The following RPS6KC1 variants were observed in gnomAD, a reference collection of about 807,000 sequenced individuals.
RPS6KC1 encodes the protein ribosomal protein S6 kinase C1.
RPS6KC1 carries 54 observed loss-of-function variants against 103.8 expected under a neutral mutation model. That is an observed-to-expected ratio of 0.52 (90% CI 0.42 to 0.65). The LOEUF is 0.65. Ranked by LOEUF, RPS6KC1 falls within the 30% of genes least tolerant of loss-of-function variation. The pLI is 0.00. For synonymous variants in RPS6KC1, 439 were observed against 438.7 expected, an observed-to-expected ratio of 1.00 and a Z score of -0.01; for missense variants, 1,151 against 1,253.8, an observed-to-expected ratio of 0.92 and a Z score of 1.24.
chr1:213,505,084 C>G, the RPS6KC1 span, among the ~76,000 whole-genome samples: 1 of 152,156 alleles, frequency 6.6e-6, no homozygotes, highest in African/African-American at 2.4e-5. Flanking sequence ...GCCTGTGGGG[C>G]TTCGTTTCCC....
intron 10 of RPS6KC1, among the ~76,000 whole-genome samples, chr1:213,239,749 C>T (rs1176729871): frequency 6.6e-6 from 1 of 152,126 alleles, no homozygotes; most frequent in African/African-American, 2.4e-5. Flanking sequence ...GCAAAGTATA[C>T]TTCTGTAGTT....
At chr1:213,680,000 A>AT in the RPS6KC1 span, among the ~76,000 whole-genome samples, 3 of 152,096 alleles carry the variant, frequency 2.0e-5, no homozygotes, top group Non-Finnish European at 4.4e-5. Context: ...ATTTGCTTTA[A>AT]TTTTTTTTAA....
chr1:213,568,758 C>A, the RPS6KC1 span, among the ~76,000 whole-genome samples: 2 of 152,164 alleles, frequency 1.3e-5, no homozygotes, highest in Non-Finnish European at 2.9e-5. Context: ...GCATTCAAAC[C>A]CAGATGGGCC....
the RPS6KC1 span, among the ~76,000 whole-genome samples, chr1:213,695,387 A>T: frequency 6.6e-6 from 1 of 152,188 alleles, no homozygotes; most frequent in Non-Finnish European, 1.5e-5. Flanking sequence ...CCTGTGAAGA[A>T]GTCACTGGAG....
At chr1:213,211,579 T>C (rs527615116) in intron 8 of RPS6KC1, among the ~76,000 whole-genome samples, 1 of 152,360 alleles carries the variant, frequency 6.6e-6, no homozygotes, top group African/African-American at 2.4e-5. Context: ...TATAAAGTAA[T>C]AGATGTATTG....
the RPS6KC1 span, among the ~76,000 whole-genome samples, chr1:213,829,077 T>C: frequency 6.6e-6 from 1 of 152,158 alleles, no homozygotes; most frequent in African/African-American, 2.4e-5. Flanking sequence ...CACCTTATCA[T>C]GCTATTAGGA....
chr1:213,079,581 C>G (rs2148547099), intron 3 of RPS6KC1, among the ~76,000 whole-genome samples: 1 of 152,036 alleles, frequency 6.6e-6, no homozygotes, highest in African/African-American at 2.4e-5. Flanking sequence ...CCATGCCTGG[C>G]TAATTTTTCT....
intron 1 of RPS6KC1, among the ~76,000 whole-genome samples, chr1:213,066,122 A>G (rs552276969): frequency 1.3e-5 from 2 of 152,218 alleles, no homozygotes; most frequent in African/African-American, 4.8e-5. Flanking sequence ...AATTTTCCCT[A>G]TGCCTAGCGC....
the RPS6KC1 span, among the ~76,000 whole-genome samples, chr1:213,439,928 C>G: frequency 6.6e-6 from 1 of 151,750 alleles, no homozygotes; most frequent in Non-Finnish European, 1.5e-5. Context: ...TGCCATTAAG[C>G]TATTGGTTAA....
the RPS6KC1 span, among the ~76,000 whole-genome samples, chr1:213,727,778 G>C: frequency 6.6e-6 from 1 of 152,176 alleles, no homozygotes; most frequent in South Asian, 2.1e-4. Context: ...GCAAAAACTA[G>C]CATGAAGTTG....
the RPS6KC1 span, among the ~76,000 whole-genome samples, chr1:213,571,263 A>G: frequency 2.8e-4 from 43 of 152,200 alleles, 1 homozygote; most frequent in Admixed American, 2.8e-3. Flanking sequence ...GCATCTTCTC[A>G]GCATGGAGAT....
intron 6 of RPS6KC1, among the ~76,000 whole-genome samples, chr1:213,151,829 G>A (rs2089029608): frequency 7.6e-6 from 1 of 131,104 alleles, no homozygotes; most frequent in Non-Finnish European, 1.7e-5. Flanking sequence ...CGGGCGAGGG[G>A]CTGACCCCCC....
intron 1 of RPS6KC1, among the ~76,000 whole-genome samples, chr1:213,063,184 G>C (rs1017372526): frequency 2.6e-5 from 4 of 152,188 alleles, no homozygotes; most frequent in African/African-American, 7.2e-5. Flanking sequence ...TTCCAAAGTG[G>C]TTCTTCAATT....
At chr1:213,403,090 T>G in the RPS6KC1 span, among the ~76,000 whole-genome samples, 1 of 151,866 alleles carries the variant, frequency 6.6e-6, no homozygotes, top group Non-Finnish European at 1.5e-5. Flanking sequence ...ATTGCACCAC[T>G]GCACTCCAGC....
the RPS6KC1 span, among the ~76,000 whole-genome samples, chr1:213,557,400 G>C: frequency 6.6e-6 from 1 of 152,182 alleles, no homozygotes; most frequent in Non-Finnish European, 1.5e-5. Flanking sequence ...TTGGGAGCTT[G>C]GGTGTGTGGA....
the RPS6KC1 span, among the ~76,000 whole-genome samples, chr1:213,635,317 A>G: frequency 2.6e-5 from 4 of 152,182 alleles, no homozygotes; most frequent in Non-Finnish European, 4.4e-5. Flanking sequence ...GAGACACAAC[A>G]AAAAAAGAGA....
At chr1:213,249,821 C>A (rs1283267076) in intron 12 of RPS6KC1, among the ~76,000 whole-genome samples, 3 of 152,124 alleles carry the variant, frequency 2.0e-5, no homozygotes, top group Non-Finnish European at 4.4e-5. Context: ...CACAAGAAAA[C>A]CGTATAGTAA....
At chr1:213,791,980 T>C in the RPS6KC1 span, among the ~76,000 whole-genome samples, 3 of 152,154 alleles carry the variant, frequency 2.0e-5, no homozygotes, top group Non-Finnish European at 4.4e-5. Flanking sequence ...CAAAGTGCAG[T>C]GGCATTTTGA....
At chr1:213,183,626 A>G (rs1443983510) in intron 8 of RPS6KC1, among the ~76,000 whole-genome samples, 1 of 152,144 alleles carries the variant, frequency 6.6e-6, no homozygotes. Context: ...AGAACATACC[A>G]GAATTTATGG....
Sources: allele counts gnomAD v4.1 joint callset (sites outside exome capture counted in the v4.1 genomes callset), GRCh38; gene constraint gnomAD v4.1.1; transcripts MANE v1.5; gene names NCBI Gene and HGNC (gene_info 2026-07-23, HGNC 2026-07-21).